Variants in FHDC1 observed in about 807,000 individuals in gnomAD.
FHDC1 encodes FH2 domain containing 1.
Under a neutral mutation model 52.6 loss-of-function variants are expected in FHDC1, and 25 were observed. The ratio of observed to expected loss-of-function variants is 0.48; its 90% CI spans 0.35 to 0.66. The LOEUF (loss-of-function observed/expected upper bound fraction) is 0.66. FHDC1 is among the 30% of genes least tolerant of loss of function. FHDC1 has a pLI of 0.01. For synonymous variants in FHDC1, 616 were observed against 581.5 expected (o/e 1.06, Z -0.85); for missense variants, 1,459 against 1,452.8 (o/e 1.00, Z -0.07).
chr4:152,924,532 A>T, the FHDC1 span, among the ~76,000 whole-genome samples: 4 of 152,234 alleles, frequency 2.6e-5, no homozygotes, highest in Admixed American at 2.6e-4. Context: ...AGGACTATAA[A>T]TCATGCTGCT....
chr4:152,925,890 GGAGGAGGGAGAAGGAGAA>G, the FHDC1 span, among the ~76,000 whole-genome samples: 15 of 144,592 alleles, frequency 1.0e-4, no homozygotes, highest in Non-Finnish European at 2.0e-4. Context: ...AGGAGGAGGA[GGAGGAGGGAGAAGGAGAA>G]GGAGAAGGAG....
chr4:152,936,148 C>T (rs1739364169), upstream of FHDC1, among the ~76,000 whole-genome samples: 1 of 151,898 alleles, frequency 6.6e-6, no homozygotes, highest in South Asian at 2.1e-4. Flanking sequence ...GAGCGCGTGG[C>T]GGTGACGGTG....
chr4:152,973,040 C>T (rs986346546), intron 11 of FHDC1, among the ~76,000 whole-genome samples: 3 of 152,162 alleles, frequency 2.0e-5, no homozygotes, highest in African/African-American at 7.2e-5. Context: ...CTCCCCAGAG[C>T]GGTCTTCCAG....
In FHDC1 at chr4:152,976,324, G is replaced by C; in HGVS notation, c.3033G>C (p.Glu1011Asp). Residue 1011 changes from glutamate (E) to aspartate (D), a missense_variant, in exon 12 of 12, where the codon GAG (glutamate) becomes GAC (aspartate). Glu to Asp is a conservative substitution (Grantham distance 45). Coordinates refer to ENST00000511601, the MANE Select transcript of FHDC1 (RefSeq NM_001371116.1). ...KTCRAHSEGPESPKEEPKTPS... is the reference protein window; with the variant it reads ...KTCRAHSEGPDSPKEEPKTPS... The stretch of plus-strand genomic sequence containing the variant: ...GCCGCGCCCACTCCGAGGGCCCTGA[G>C]AGTCCCAAAGAAGAGCCCAAGACCC... 2 of 1,613,678 alleles carry C rather than the reference G, an allele frequency of 1.2e-6. No individual in the cohort carries two copies. Among genetic ancestry groups the C allele is most frequent in the South Asian group, 1.1e-5 (1 of 91,082 alleles).
At position 152,976,840 on chromosome 4, in the gene FHDC1, C is replaced by T; in HGVS notation, c.*117C>T. ...ACAGATAAAGCAGCCACTGGTGCCA[C>T]TGCTAGTGACGCTGTTGGGATGGCA... is the stretch of plus-strand genomic sequence containing the variant. On this transcript the variant is annotated 3_prime_UTR_variant, in exon 12 of 12. Transcript: ENST00000511601. 7.6e-7 allele frequency: 1 copy of T among 1,311,678 alleles called. No individual in the cohort carries two copies. The highest frequency in any genetic ancestry group is 1.0e-6 in the Non-Finnish European group (1 of 987,284). The allele number at this position is 1,311,678 out of a possible 1,614,324, so 81.3% of individuals were successfully genotyped here. A position where few individuals can be genotyped will look rare whatever the true frequency, so the allele number is the denominator to read the frequency against.
Position 152,975,037 on chromosome 4 carries a change from G to A in FHDC1, c.1746G>A (p.Thr582=), listed in dbSNP as rs1561215993. 3.7e-6 allele frequency: 6 copies of A among 1,612,372 alleles called. No individual in the cohort carries two copies. Among genetic ancestry groups the A allele is most frequent in the Non-Finnish European group, 4.2e-6 (5 of 1,179,786 alleles). The part of the protein sequence containing the change: ...PRSSPRQARP[T]IACLEPAEVR... Reference sequence around the variant, plus strand: ...GCAGCCCCCGGCAGGCCCGGCCCACGATAGCCTGCCTGGAGCCTGCAGAAG... The same window carrying A: ...GCAGCCCCCGGCAGGCCCGGCCCACAATAGCCTGCCTGGAGCCTGCAGAAG... Residue 582 remains threonine, a synonymous_variant, in exon 12 of 12, where the codon ACG becomes ACA. Coordinates refer to ENST00000511601, the MANE Select transcript of FHDC1 (RefSeq NM_001371116.1).
chr4:152,911,761 T>C, the FHDC1 span: 1 of 152,628 alleles, frequency 6.6e-6, no homozygotes, highest in Admixed American at 6.5e-5. Flanking sequence ...ATCATACCTA[T>C]TTTAAATCAT....
At chr4:152,937,442 T>TG (rs1466503295) in intron 1 of FHDC1, among the ~76,000 whole-genome samples, 3 of 151,306 alleles carry the variant, frequency 2.0e-5, no homozygotes, top group African/African-American at 4.9e-5. Context: ...GGGCGTGGCG[T>TG]GGGGAGCGTG....
the FHDC1 span, chr4:152,928,127 G>A: frequency 2.0e-5 from 20 of 979,470 alleles, no homozygotes; most frequent in South Asian, 6.4e-5. Context: ...TGAGTCCAGC[G>A]CAGACAGTGA....
chr4:152,976,373 G>C lies in FHDC1; in HGVS notation c.3082G>C (p.Glu1028Gln), dbSNP rs115336829. The change falls in exon 12 of 12, where the codon GAA (glutamate) becomes CAA (glutamine). Residue 1028 changes from glutamate to glutamine, a missense_variant. By Grantham distance (29) the Glu-to-Gln change is conservative. Transcript: ENST00000511601. ...KTPSVPSVPH[E>Q]LPRVPSFARN... Reference sequence around the variant, plus strand: ...CCCGTCAGTGCCCAGCGTCCCCCACGAACTACCCCGTGTCCCGAGCTTTGC... The same window carrying C: ...CCCGTCAGTGCCCAGCGTCCCCCACCAACTACCCCGTGTCCCGAGCTTTGC... 85 of 1,613,670 alleles carry C rather than the reference G, an allele frequency of 5.3e-5. No individual in the cohort carries two copies. In the African/African-American group the frequency reaches 1.1e-3, roughly 21 times the overall value.
At chr4:152,944,375 C>T (rs1162256960) in intron 2 of FHDC1, among the ~76,000 whole-genome samples, 1 of 151,918 alleles carries the variant, frequency 6.6e-6, no homozygotes, top group Non-Finnish European at 1.5e-5. Flanking sequence ...AATGCTGCCC[C>T]GCCCACATGC....
chr4:152,924,211 A>C, the FHDC1 span, among the ~76,000 whole-genome samples: 1 of 152,204 alleles, frequency 6.6e-6, no homozygotes, highest in African/African-American at 2.4e-5. Context: ...ACATGAACAG[A>C]CACTTCTCAA....
At chr4:152,949,170 A>AAGCAGC (rs70949624) in intron 2 of FHDC1, among the ~76,000 whole-genome samples, 24 of 142,638 alleles carry the variant, frequency 1.7e-4, no homozygotes, top group South Asian at 6.7e-4. Flanking sequence ...GAAGAAGAAG[A>AAGCAGC]AGCAGAAGAA....
intron 1 of FHDC1, among the ~76,000 whole-genome samples, chr4:152,939,158 C>G (rs965356046): frequency 3.3e-5 from 5 of 152,174 alleles, no homozygotes; most frequent in Non-Finnish European, 4.4e-5. Context: ...CGGCTCACTG[C>G]AACCTCCGAC....
At chr4:152,965,805 G>A (rs1329056907) in intron 9 of FHDC1, among the ~76,000 whole-genome samples, 5 of 152,194 alleles carry the variant, frequency 3.3e-5, no homozygotes, top group Admixed American at 1.3e-4. Flanking sequence ...CACCGCTCAT[G>A]TGTCAAGCCA....
At chr4:152,974,553 G>T (rs1282545355) in intron 11 of FHDC1, 122 bp from the exon 12 acceptor site, 15 of 1,412,484 alleles carry the variant, frequency 1.1e-5, no homozygotes, top group Non-Finnish European at 1.4e-5. Flanking sequence ...CTCAGTGTAA[G>T]ACATGACCCT....
the FHDC1 span, chr4:152,927,997 C>T: frequency 7.4e-6 from 11 of 1,478,092 alleles, no homozygotes; most frequent in Admixed American, 1.2e-4. Flanking sequence ...ATCAAGAGCC[C>T]TCATCCTGCA....
At chr4:152,937,854 CAGCCGGTGGCGGCTG>C (rs1490567826) in intron 1 of FHDC1, among the ~76,000 whole-genome samples, 3 of 152,158 alleles carry the variant, frequency 2.0e-5, no homozygotes, top group Admixed American at 6.5e-5. Flanking sequence ...ATTCGCGGCC[CAGCCGGTGGCGGCTG>C]AGCCGGTGGC....
intron 2 of FHDC1, among the ~76,000 whole-genome samples, chr4:152,945,411 A>T (rs71620234): frequency 6.6e-6 from 1 of 152,260 alleles, no homozygotes; most frequent in African/African-American, 2.4e-5. Context: ...ATTATTTTTA[A>T]TTGTGGTGAA....
Sources: allele counts gnomAD v4.1 joint callset (sites outside exome capture counted in the v4.1 genomes callset), GRCh38; gene constraint gnomAD v4.1.1; transcripts MANE v1.5; gene names NCBI Gene and HGNC (gene_info 2026-07-23, HGNC 2026-07-21).